GPRC5B: variants seen among roughly 807,000 people sequenced by gnomAD.
GPRC5B encodes G protein-coupled receptor family C group 5 member B.
In GPRC5B, 16 loss-of-function variants were observed where a neutral mutation model predicts 30.1. The observed-to-expected ratio is 0.53, with a 90% CI of 0.36 to 0.81. The LOEUF is 0.81. GPRC5B is among the 30% of genes least tolerant of loss of function. The pLI is 0.01. For synonymous variants in GPRC5B, 241 were observed against 239.5 expected, an observed-to-expected ratio of 1.01 and a Z score of -0.06; for missense variants, 428 against 544.7, an observed-to-expected ratio of 0.79 and a Z score of 2.13.
intron 2 of GPRC5B, among the ~76,000 whole-genome samples, chr16:19,869,188 G>C (rs1195056027): frequency 6.6e-6 from 1 of 151,862 alleles, no homozygotes; most frequent in Non-Finnish European, 1.5e-5. Context: ...AATTAGCCAG[G>C]CGTGATGGCA....
intron 2 of GPRC5B, among the ~76,000 whole-genome samples, chr16:19,869,333 CAAA>C (rs35252104): frequency 9.7e-5 from 6 of 61,976 alleles, no homozygotes; most frequent in Admixed American, 1.7e-4. Flanking sequence ...GACTCTGCCT[CAAA>C]AAAAAAAAAA....
rs779582924 is a variant in GPRC5B at position 19,871,805 on chromosome 16, G to A, written c.1030+11C>T. ...CCCCGGCCTGACCCAGCCGGGTGGT[G>A]CCCACTTTACCTGCATTGTGTTCAT... On this transcript the variant is annotated intron_variant, in intron 2 of 3. Coordinates refer to ENST00000300571, the MANE Select transcript of GPRC5B (RefSeq NM_016235.3). The A allele has an allele frequency of 5.0e-6, 8 of 1,607,114 alleles. No homozygotes were observed. Among genetic ancestry groups the A allele is most frequent in the South Asian group, 3.3e-5 (3 of 90,934 alleles).
rs371877366 is a variant in GPRC5B, at chr16:19,872,755, C to T, written c.91G>A (p.Ala31Thr). 54 of 1,613,616 alleles carry T rather than the reference C, an allele frequency of 3.3e-5. No homozygotes were observed. The highest frequency in any genetic ancestry group is 4.2e-5 in the Non-Finnish European group (50 of 1,179,938). The change falls in exon 2 of 4, where the codon GCC becomes ACC. Residue 31 changes from alanine (A) to threonine (T), a missense_variant. Around this residue, in one of 3 missense-constraint regions of GPRC5B, gnomAD observed 196 missense variants for 272.6 expected, o/e 0.72. Coordinates refer to ENST00000300571, the MANE Select transcript of GPRC5B (RefSeq NM_016235.3). The surrounding 1 kb of genome is among the most constrained non-coding windows in gnomAD (Gnocchi z 5.0). Reference protein sequence around the residue: ...FVITSVASENASTSRGCGLDL... With the variant: ...FVITSVASENTSTSRGCGLDL... ...AGCCCACAGCCTCGGGATGTGCTGG[C>T]GTTTTCAGAGGCCACCGAGGTGATC...
Position 19,872,371 on chromosome 16 carries a change from C to T in GPRC5B, c.475G>A (p.Gly159Ser), listed in dbSNP as rs570719895. ...AGCGCCAGGCCCACCAGCTGCCAGCCCGCGGGGCCCGTGCCATGCCGCACC... is the reference window on the plus strand; with the variant it reads ...AGCGCCAGGCCCACCAGCTGCCAGCTCGCGGGGCCCGTGCCATGCCGCACC... ...RLVRHGTGPA[G>S]WQLVGLALCL... Residue 159 changes from glycine (G) to serine (S), a missense_variant, in exon 2 of 4, where the codon GGC becomes AGC. Gly to Ser is a moderately conservative substitution (Grantham distance 56). Transcript: ENST00000300571. The surrounding 1 kb of genome is among the most constrained non-coding windows in gnomAD (Gnocchi z 5.0). The T allele has an allele frequency of 8.1e-5, 130 of 1,613,460 alleles. No individual in the cohort carries two copies. The South Asian group carries it at 1.4e-3, about 17-fold the overall frequency.
intron 1 of GPRC5B, among the ~76,000 whole-genome samples, chr16:19,882,565 G>T (rs921567543): frequency 2.0e-5 from 3 of 152,074 alleles, no homozygotes; most frequent in Non-Finnish European, 4.4e-5. Context: ...GGCTCAAAGC[G>T]GTCCCCCAAG....
Position 19,872,667 on chromosome 16 carries a change from T to C in GPRC5B, c.179A>G (p.Glu60Gly). The change falls in exon 2 of 4, where the codon GAG (glutamate) becomes GGG (glycine). Residue 60 changes from glutamate to glycine, a missense_variant. Transcript: ENST00000300571. This position sits in a 1 kb window ranked among gnomAD's most constrained non-coding sequence, Gnocchi z 5.0. ...DLDAIWGIVV[E>G]AVAGAGALIT... ...CAGGGCGCCCGCCCCGGCCACCGCC[T>C]CCACCACAATGCCCCAGATGGCGTC... 1 of 1,614,050 alleles carries C rather than the reference T, an allele frequency of 6.2e-7. No individual in the cohort carries two copies. Among genetic ancestry groups the C allele is most frequent in the Non-Finnish European group, 8.5e-7 (1 of 1,179,982 alleles).
Position 19,858,249 on chromosome 16 carries a change from C to T in GPRC5B, c.*2251G>A. On this transcript the variant is annotated 3_prime_UTR_variant, in exon 4 of 4. Coordinates refer to ENST00000300571, the MANE Select transcript of GPRC5B (RefSeq NM_016235.3). ...CCCGCCTCCGCCCCCATTATGAAGG[C>T]GTTCAGCCCACTCTCAACCTTAAAA... is the stretch of plus-strand genomic sequence containing the variant. 2.6e-6 allele frequency: 1 copy of T among 378,580 alleles called. No homozygotes were observed. The highest frequency in any genetic ancestry group is 4.7e-6 in the Non-Finnish European group (1 of 214,318). The allele number at this position is 378,580 out of a possible 1,614,324, so 23.5% of individuals were successfully genotyped here. A position where few individuals can be genotyped will look rare whatever the true frequency, so the allele number is the denominator to read the frequency against.
In GPRC5B at chr16:19,857,041, C is replaced by A. The variant is rs2056571363; in HGVS notation, c.*3459G>T. 1.2e-5 allele frequency: 2 copies of A among 171,248 alleles called. No individual in the cohort carries two copies. Among genetic ancestry groups the A allele is most frequent in the Admixed American group, 6.2e-5 (1 of 16,214 alleles). The allele number at this position is 171,248 out of a possible 1,614,324, so 10.6% of individuals were successfully genotyped here. A position where few individuals can be genotyped will look rare whatever the true frequency, so the allele number is the denominator to read the frequency against. ...ATTTCCAAAGGAGACCACTCCTTAA[C>A]TTTTACTGCAAACCCAACAAGATGA... On this transcript the variant is annotated 3_prime_UTR_variant, in exon 4 of 4. Coordinates refer to ENST00000300571, the MANE Select transcript of GPRC5B (RefSeq NM_016235.3).
intron 1 of GPRC5B, among the ~76,000 whole-genome samples, chr16:19,880,800 G>A (rs1277613563): frequency 6.6e-6 from 1 of 152,180 alleles, no homozygotes; most frequent in Non-Finnish European, 1.5e-5. Context: ...TTTCACTCAC[G>A]GGAAAGGAGA....
chr16:19,869,848 G>A (rs184275310), intron 2 of GPRC5B, among the ~76,000 whole-genome samples: 1 of 152,134 alleles, frequency 6.6e-6, no homozygotes, highest in African/African-American at 2.4e-5. Flanking sequence ...GAGGTGGGGG[G>A]ATCACTTGGG....
At chr16:19,866,283 A>G (rs530479974) in intron 2 of GPRC5B, among the ~76,000 whole-genome samples, 1 of 152,180 alleles carries the variant, frequency 6.6e-6, no homozygotes, top group African/African-American at 2.4e-5. Flanking sequence ...ACTCTGCCCC[A>G]TTGTGTGTGA....
chr16:19,861,075 C>T (rs1306397858), intron 3 of GPRC5B, among the ~76,000 whole-genome samples: 3 of 80,348 alleles, frequency 3.7e-5, no homozygotes, highest in Non-Finnish European at 6.0e-5. Context: ...CAAAGACCAT[C>T]CCTGATTTAC....
upstream of GPRC5B, chr16:19,884,916 C>A (rs2056839203): frequency 1.1e-6 from 1 of 921,208 alleles, no homozygotes; most frequent in Non-Finnish European, 1.3e-6. Flanking sequence ...CGGCCGCGGC[C>A]CCGCCCCCGC....
In GPRC5B at chr16:19,871,901, C is replaced by G. The variant is rs754594627; in HGVS notation, c.945G>C (p.Met315Ile). 6.2e-7 allele frequency: 1 copy of G among 1,614,086 alleles called. No homozygotes were observed. The highest frequency in any genetic ancestry group is 1.1e-5 in the South Asian group (1 of 91,078). The change falls in exon 2 of 4, where the codon ATG becomes ATC. Residue 315 changes from methionine to isoleucine, a missense_variant. Physicochemically the swap from Met to Ile is conservative, Grantham distance 10 (BLOSUM62 1). Around this residue, in one of 3 missense-constraint regions of GPRC5B, gnomAD observed 213 missense variants for 229.1 expected, o/e 0.93. Transcript: ENST00000300571. ...PNYFDTSQPR[M>I]RETAFEEDVQ... ...CGTCCTCCTCGAAGGCCGTCTCCCGCATCCTGGGCTGCGACGTGTCGAAGT... is the reference window on the plus strand; with the variant it reads ...CGTCCTCCTCGAAGGCCGTCTCCCGGATCCTGGGCTGCGACGTGTCGAAGT...
At chr16:19,876,412 G>A (rs2056759368) in intron 1 of GPRC5B, among the ~76,000 whole-genome samples, 1 of 152,192 alleles carries the variant, frequency 6.6e-6, no homozygotes, top group African/African-American at 2.4e-5. Context: ...GTTTAGGCAC[G>A]TAAAGAGAGA....
At chr16:19,861,087 T>TTAAAAAAAAAAAAAAAAA (rs569493402) in intron 3 of GPRC5B, among the ~76,000 whole-genome samples, 7 of 93,366 alleles carry the variant, frequency 7.5e-5, no homozygotes, top group East Asian at 4.2e-4. Flanking sequence ...CTGATTTACA[T>TTAAAAAAAAAAAAAAAAA]AAAAAAAAAA....
intron 2 of GPRC5B, among the ~76,000 whole-genome samples, chr16:19,865,468 G>T (rs1175409891): frequency 6.6e-6 from 1 of 152,130 alleles, no homozygotes. Context: ...TCCTCAAATA[G>T]TGTCATTGTT....
At chr16:19,885,409 T>C, upstream of GPRC5B, 1 of 1,157,610 alleles carries the variant, frequency 8.6e-7, no homozygotes, top group Admixed American at 3.9e-5. This position sits in a 1 kb window ranked among gnomAD's most constrained non-coding sequence, Gnocchi z 5.3. Context: ...CTAGGCCTCC[T>C]CCAGGCAGGT....
intron 1 of GPRC5B, among the ~76,000 whole-genome samples, chr16:19,884,288 C>T (rs574074374): frequency 1.3e-5 from 2 of 151,032 alleles, no homozygotes; most frequent in African/African-American, 4.9e-5. Context: ...AGCCCTTGTG[C>T]CCCCGGCTGC....
Sources: gnomAD v4.1 joint callset for allele counts (sites outside exome capture counted in the v4.1 genomes callset) on GRCh38, gnomAD v4.1.1 for gene constraint, gnomAD v4.1.1 regional missense constraint, Gnocchi (gnomAD v3.1) non-coding constraint, MANE v1.5 for transcripts, NCBI Gene and HGNC (gene_info 2026-07-23, HGNC 2026-07-21) for gene names.